Variants in ERBIN observed in about 807,000 individuals in gnomAD.
The protein encoded by ERBIN is erbb2 interacting protein, also known as densin-180-like protein.
A neutral mutation model predicts 158.4 loss-of-function variants in ERBIN; 60 were observed. That is an observed-to-expected ratio of 0.38 (90% CI 0.31 to 0.47). ERBIN has a LOEUF of 0.47. ERBIN is among the 20% of genes least tolerant of loss of function. The pLI is 0.99. For synonymous variants in ERBIN, 594 were observed against 557.2 expected (o/e 1.07, Z -0.93); for missense variants, 1,610 against 1,648.0 (o/e 0.98, Z 0.40).
chr5:66,020,485 T>C (rs1322480767), intron 7 of ERBIN, among the ~76,000 whole-genome samples: 1 of 152,044 alleles, frequency 6.6e-6, no homozygotes, highest in African/African-American at 2.4e-5. Context: ...TCTCATTTTG[T>C]CATATCCTAC....
chr5:66,059,112 A>G (rs1474759182), intron 21 of ERBIN, among the ~76,000 whole-genome samples: 3 of 152,112 alleles, frequency 2.0e-5, no homozygotes, highest in Non-Finnish European at 4.4e-5. Context: ...CATTGAATCT[A>G]TAAATTACCT....
intron 1 of ERBIN, among the ~76,000 whole-genome samples, chr5:65,983,606 CA>C (rs1269064084): frequency 6.8e-6 from 1 of 146,164 alleles, no homozygotes; most frequent in Non-Finnish European, 1.6e-5. Context: ...CTTACACAAC[CA>C]CTAAATACCA....
chr5:66,046,816 C>T (rs992101133), intron 18 of ERBIN, among the ~76,000 whole-genome samples: 4 of 152,062 alleles, frequency 2.6e-5, no homozygotes, highest in Non-Finnish European at 5.9e-5. Context: ...AATGAAAAGA[C>T]TACTATAGGC....
intron 23 of ERBIN, 80 bp from the exon 24 acceptor site, chr5:66,076,236 A>T: frequency 9.8e-7 from 1 of 1,021,904 alleles, no homozygotes; most frequent in Non-Finnish European, 1.5e-6. Context: ...GACTTAACCA[A>T]TCAGTATTTA....
At chr5:66,028,482 C>A in intron 14 of ERBIN, 139 bp downstream of exon 14, 1 of 478,892 alleles carries the variant, frequency 2.1e-6, no homozygotes, top group Non-Finnish European at 3.6e-6. Flanking sequence ...AGAAAAATCT[C>A]AAAATATTTA....
intron 25 of ERBIN, among the ~76,000 whole-genome samples, chr5:66,077,241 A>G (rs903377924): frequency 3.3e-5 from 5 of 152,044 alleles, no homozygotes; most frequent in Non-Finnish European, 5.9e-5. Flanking sequence ...GGATTAGAGT[A>G]CCACTTCTTG....
chr5:66,077,808 A>T lies in ERBIN; in HGVS notation c.4132-615A>T, dbSNP rs1366830131. The stretch of plus-strand genomic sequence containing the variant: ...CACACACACACATACACACACACAC[A>T]CAGTCACACTCACTCATACAGTTAT... On this transcript the variant is annotated intron_variant, in intron 25 of 25. Transcript: ENST00000284037. 5.8e-4 allele frequency among the ~76,000 whole-genome samples: 79 copies of T among 135,724 alleles called. 1 individual carries two copies. The highest frequency in any genetic ancestry group is 2.9e-3 in the African/African-American group (76 of 26,524). 89.0% of individuals were successfully genotyped at this position (135,724 alleles called of 152,430 possible).
chr5:65,938,891 C>T (rs1027394174), intron 1 of ERBIN, among the ~76,000 whole-genome samples: 20 of 152,152 alleles, frequency 1.3e-4, no homozygotes, highest in African/African-American at 4.8e-4. Flanking sequence ...CCTGCTACTA[C>T]TCTTCTGCCC....
At chr5:65,949,190 TTA>T (rs1235295658) in intron 1 of ERBIN, among the ~76,000 whole-genome samples, 7 of 152,200 alleles carry the variant, frequency 4.6e-5, no homozygotes, top group South Asian at 2.1e-4. Context: ...CTTGATATTA[TTA>T]TAAAGTTTAT....
chr5:66,018,567 T>TATATTA lies in ERBIN; in HGVS notation c.534-2755_534-2754insATATTA, dbSNP rs1554058876. Among the ~76,000 whole-genome samples the TATATTA allele has an allele frequency of 2.0e-4, 2 of 9,898 alleles. 1 individual carries two copies. The highest frequency in any genetic ancestry group is 5.8e-4 in the Non-Finnish European group (2 of 3,450). 6.5% of individuals were successfully genotyped at this position (9,898 alleles called of 152,430 possible). A position where few individuals can be genotyped will look rare whatever the true frequency, so the allele number is the denominator to read the frequency against. On this transcript the variant is annotated intron_variant, in intron 7 of 25. Coordinates refer to ENST00000284037, the MANE Select transcript of ERBIN (RefSeq NM_001253697.2). ...TATATTATATATTATATAATATATATTATATTATATAATATATATTATATA... is the reference window on the plus strand; with the variant it reads ...TATATTATATATTATATAATATATATATATTATATATTATATAATATATATTATATA...
intron 4 of ERBIN, among the ~76,000 whole-genome samples, chr5:65,996,365 G>A (rs1247744305): frequency 2.0e-5 from 3 of 149,654 alleles, no homozygotes; most frequent in Non-Finnish European, 3.0e-5. Flanking sequence ...GCATGTGGAT[G>A]TCCAGTTGTC....
Position 65,986,231 on chromosome 5 carries a change from A to G in ERBIN, c.-57-2404A>G, listed in dbSNP as rs549212047. 4.6e-5 allele frequency among the ~76,000 whole-genome samples: 7 copies of G among 152,298 alleles called. No individual in the cohort carries two copies. In the South Asian group the frequency reaches 1.4e-3, roughly 32 times the overall value. On this transcript the variant is annotated intron_variant, in intron 1 of 25. Coordinates refer to ENST00000284037, the MANE Select transcript of ERBIN (RefSeq NM_001253697.2). ...TATCCAGCTGCTTACTCAGTGTCCTACTCAGATATCTTTCAAGTATTTCAA... is the reference window on the plus strand; with the variant it reads ...TATCCAGCTGCTTACTCAGTGTCCTGCTCAGATATCTTTCAAGTATTTCAA...
At chr5:65,985,090 G>A (rs1751073811) in intron 1 of ERBIN, among the ~76,000 whole-genome samples, 1 of 152,140 alleles carries the variant, frequency 6.6e-6, no homozygotes, top group Non-Finnish European at 1.5e-5. Context: ...GGAATCACAT[G>A]ACATTTTTTT....
At chr5:66,062,708 A>G (rs899557921) in intron 21 of ERBIN, among the ~76,000 whole-genome samples, 4 of 151,972 alleles carry the variant, frequency 2.6e-5, no homozygotes, top group African/African-American at 9.7e-5. Flanking sequence ...TGATGTACAG[A>G]TGGGTTTTTG....
chr5:66,077,199 C>T (rs1186152134), intron 25 of ERBIN, among the ~76,000 whole-genome samples: 1 of 150,700 alleles, frequency 6.6e-6, no homozygotes, highest in African/African-American at 2.4e-5. Context: ...TTTGTTTAAG[C>T]TCAGGAATGT....
intron 1 of ERBIN, among the ~76,000 whole-genome samples, chr5:65,944,570 A>G (rs780261561): frequency 1.3e-4 from 19 of 151,806 alleles, no homozygotes; most frequent in Non-Finnish European, 2.1e-4. Context: ...CTACCTGGAT[A>G]ATTTTTGTAT....
At chr5:66,001,063 G>C (rs1752971339) in intron 4 of ERBIN, among the ~76,000 whole-genome samples, 1 of 151,944 alleles carries the variant, frequency 6.6e-6, no homozygotes, top group Non-Finnish European at 1.5e-5. Context: ...GATGTGGCTG[G>C]ATGTTAGAAA....
intron 5 of ERBIN, among the ~76,000 whole-genome samples, chr5:66,012,482 G>A (rs1400579247): frequency 7.1e-6 from 1 of 140,080 alleles, no homozygotes; most frequent in Non-Finnish European, 1.5e-5. Flanking sequence ...TGAAAACAAT[G>A]AAACCAAAAG....
At chr5:66,062,783 G>C (rs181900931) in intron 21 of ERBIN, among the ~76,000 whole-genome samples, 1 of 152,336 alleles carries the variant, frequency 6.6e-6, no homozygotes, top group Non-Finnish European at 1.5e-5. Context: ...CTGCAGGTCT[G>C]TTGGAGTTGA....
Sources: allele counts gnomAD v4.1 joint callset (sites outside exome capture counted in the v4.1 genomes callset), GRCh38; gene constraint gnomAD v4.1.1; transcripts MANE v1.5; gene names NCBI Gene and HGNC (gene_info 2026-07-23, HGNC 2026-07-21).